Variants in DNER observed in about 807,000 individuals in gnomAD.
The protein encoded by DNER is delta and Notch-like epidermal growth factor-related receptor.
Under a neutral mutation model 78.2 loss-of-function variants are expected in DNER, and 33 were observed. That is an observed-to-expected ratio of 0.42 (90% CI 0.32 to 0.56). DNER has a LOEUF of 0.56. Among genes scored for constraint, DNER ranks in the 20% least tolerant of loss-of-function variants. DNER has a pLI of 0.11. For synonymous variants in DNER, 417 were observed against 384.8 expected (o/e 1.08, Z -0.98); for missense variants, 918 against 975.3 (o/e 0.94, Z 0.78).
At chr2:229,552,013 T>A (rs1696754056) in intron 4 of DNER, among the ~76,000 whole-genome samples, 1 of 152,170 alleles carries the variant, frequency 6.6e-6, no homozygotes, top group African/African-American at 2.4e-5. Context: ...TTTATGAACA[T>A]GTAATATAGA....
At chr2:229,482,705 A>C (rs559237634) in intron 6 of DNER, among the ~76,000 whole-genome samples, 33 of 152,356 alleles carry the variant, frequency 2.2e-4, no homozygotes, top group Non-Finnish European at 3.7e-4. Flanking sequence ...AATTGTCCTG[A>C]GATGGAGAAA....
intron 11 of DNER, among the ~76,000 whole-genome samples, chr2:229,387,384 G>A (rs1692892576): frequency 6.6e-6 from 1 of 151,854 alleles, no homozygotes; most frequent in African/African-American, 2.4e-5. Flanking sequence ...TAGATAACAG[G>A]TTGATGGGTG....
chr2:229,564,557 T>G, intron 4 of DNER, among the ~76,000 whole-genome samples: 1 of 59,202 alleles, frequency 1.7e-5, no homozygotes, highest in Non-Finnish European at 3.5e-5. Context: ...CTCACCCCAT[T>G]ACCATCATCA....
chr2:229,441,934 C>T (rs1156864590), intron 8 of DNER, among the ~76,000 whole-genome samples: 1 of 152,192 alleles, frequency 6.6e-6, no homozygotes, highest in Admixed American at 6.5e-5. Flanking sequence ...TCTCAGTTCT[C>T]AGCATCATCA....
chr2:229,504,245 A>T (rs1695687896), intron 6 of DNER, among the ~76,000 whole-genome samples: 1 of 151,906 alleles, frequency 6.6e-6, no homozygotes, highest in African/African-American at 2.4e-5. Context: ...TTTGAGACAG[A>T]GTCTCACTCT....
intron 1 of DNER, among the ~76,000 whole-genome samples, chr2:229,696,883 G>A (rs1451657136): frequency 6.6e-6 from 1 of 152,160 alleles, no homozygotes; most frequent in African/African-American, 2.4e-5. Flanking sequence ...ATCCAGGGGG[G>A]ATCCTGGGGC....
chr2:229,417,987 C>G lies in DNER; in HGVS notation c.1609+121G>C, dbSNP rs774649672. The G allele has an allele frequency of 4.0e-6, 6 of 1,503,918 alleles. No individual in the cohort carries two copies. The Admixed American group carries it at 5.6e-5, about 14-fold the overall frequency. 93.2% of individuals were successfully genotyped at this position (1,503,918 alleles called of 1,614,324 possible). ...TTGGACCGATTAATCATGCCAGCTT[C>G]AGCATTTGATTGTTATTCTGAACAA... On this transcript the variant is annotated intron_variant, in intron 9 of 12. Transcript: ENST00000341772.
At chr2:229,693,656 G>A (rs1271802139) in intron 1 of DNER, among the ~76,000 whole-genome samples, 1 of 152,184 alleles carries the variant, frequency 6.6e-6, no homozygotes, top group Non-Finnish European at 1.5e-5. Flanking sequence ...TATGCAAAGA[G>A]ACTGGCAGCA....
chr2:229,375,571 G>A (rs1013924673), intron 11 of DNER, among the ~76,000 whole-genome samples: 3 of 152,098 alleles, frequency 2.0e-5, no homozygotes, highest in African/African-American at 7.2e-5. Context: ...AGTTACCCTT[G>A]GACCCCACCA....
At chr2:229,656,019 C>T (rs1544675) in intron 1 of DNER, among the ~76,000 whole-genome samples, 1 of 151,880 alleles carries the variant, frequency 6.6e-6, no homozygotes, top group East Asian at 1.9e-4. Context: ...TGGAGGAAGC[C>T]TGGCCCCACC....
chr2:229,503,304 G>T (rs908955547), intron 6 of DNER, among the ~76,000 whole-genome samples: 2 of 152,138 alleles, frequency 1.3e-5, no homozygotes, highest in South Asian at 2.1e-4. Flanking sequence ...TACACGAATG[G>T]GTATAGACTG....
At chr2:229,576,104 G>GT (rs1697294607) in intron 4 of DNER, among the ~76,000 whole-genome samples, 1 of 152,250 alleles carries the variant, frequency 6.6e-6, no homozygotes, top group Admixed American at 6.5e-5. Flanking sequence ...CACCATTGCA[G>GT]TGAGTTCAGC....
chr2:229,625,659 T>C (rs1698326349), intron 1 of DNER, among the ~76,000 whole-genome samples: 1 of 152,120 alleles, frequency 6.6e-6, no homozygotes, highest in Non-Finnish European at 1.5e-5. Flanking sequence ...ATAGGAAACA[T>C]AATTATGGAA....
At chr2:229,404,339 CA>C (rs1693335247) in intron 10 of DNER, among the ~76,000 whole-genome samples, 1 of 152,134 alleles carries the variant, frequency 6.6e-6, no homozygotes, top group African/African-American at 2.4e-5. Flanking sequence ...TGGCAGAAGG[CA>C]CCTCTTCACA....
chr2:229,676,368 C>A (rs13022074), intron 1 of DNER, among the ~76,000 whole-genome samples: 32,238 of 152,174 alleles, frequency 0.21, 3,636 homozygotes, highest in East Asian at 0.36. Context: ...GCATACTCAC[C>A]TGCTCCAAAA....
intron 10 of DNER, among the ~76,000 whole-genome samples, chr2:229,405,854 G>A (rs2106343286): frequency 6.6e-6 from 1 of 151,882 alleles, no homozygotes; most frequent in East Asian, 1.9e-4. Context: ...TTCCTTCTAT[G>A]CTTTTTTTAC....
chr2:229,545,957 G>A (rs931217384), intron 5 of DNER, among the ~76,000 whole-genome samples: 3 of 152,208 alleles, frequency 2.0e-5, no homozygotes, highest in Non-Finnish European at 4.4e-5. Flanking sequence ...AAACGGGTAA[G>A]TGAATGACTG....
At chr2:229,686,455 C>T (rs920423818) in intron 1 of DNER, among the ~76,000 whole-genome samples, 2 of 152,206 alleles carry the variant, frequency 1.3e-5, no homozygotes, top group Non-Finnish European at 2.9e-5. Context: ...CTGACTTAGC[C>T]TGGGGGCTAG....
intron 1 of DNER, among the ~76,000 whole-genome samples, chr2:229,687,304 C>T (rs1189645224): frequency 6.9e-6 from 1 of 145,960 alleles, no homozygotes; most frequent in Non-Finnish European, 1.5e-5. Flanking sequence ...CGCTCTGTCA[C>T]CCAGGCTGCA....
Sources: allele counts gnomAD v4.1 joint callset (sites outside exome capture counted in the v4.1 genomes callset), GRCh38; gene constraint gnomAD v4.1.1; transcripts MANE v1.5; gene names NCBI Gene and HGNC (gene_info 2026-07-23, HGNC 2026-07-21).